The following PLCL2 variants were observed in gnomAD, a reference collection of about 807,000 sequenced individuals.
The protein encoded by PLCL2 is phospholipase C like 2.
In PLCL2, 4 loss-of-function variants were observed where a neutral mutation model predicts 79.6. That is an observed-to-expected ratio of 0.05 (90% CI 0.02 to 0.11). PLCL2 has a LOEUF of 0.11. PLCL2 is among the 10% of genes least tolerant of loss of function. PLCL2 has a pLI of 1.00. For synonymous variants in PLCL2, 484 were observed against 457.7 expected (o/e 1.06, Z -0.73); for missense variants, 895 against 1,291.0 (o/e 0.69, Z 4.70).
chr3:16,940,951 C>T (rs1697665634), intron 1 of PLCL2, among the ~76,000 whole-genome samples: 1 of 152,194 alleles, frequency 6.6e-6, no homozygotes, highest in Non-Finnish European at 1.5e-5. Context: ...CCTGCTGCTG[C>T]TTTTAATTTT....
intron 4 of PLCL2, among the ~76,000 whole-genome samples, chr3:17,048,501 T>C (rs1002694488): frequency 6.6e-6 from 1 of 152,212 alleles, no homozygotes; most frequent in Non-Finnish European, 1.5e-5. Flanking sequence ...AAATCTGTTA[T>C]AAAAGGTTAA....
At chr3:16,935,806 A>C (rs1205871752) in intron 1 of PLCL2, among the ~76,000 whole-genome samples, 1 of 152,232 alleles carries the variant, frequency 6.6e-6, no homozygotes, top group African/African-American at 2.4e-5. Context: ...AAAATAAAAA[A>C]AGAAAGAATG....
At chr3:17,029,520 A>G (rs1169277877) in intron 3 of PLCL2, among the ~76,000 whole-genome samples, 2 of 152,118 alleles carry the variant, frequency 1.3e-5, no homozygotes, top group Non-Finnish European at 2.9e-5. Flanking sequence ...ACAGTGTTTT[A>G]TGATTTTTTT....
chr3:16,981,122 C>T (rs565310915), intron 1 of PLCL2, among the ~76,000 whole-genome samples: 217 of 150,090 alleles, frequency 1.4e-3, no homozygotes, highest in Non-Finnish European at 2.1e-3. Flanking sequence ...AGAGGGAGAC[C>T]GTGGAAAGAG....
intron 1 of PLCL2, among the ~76,000 whole-genome samples, chr3:16,945,451 C>T (rs1404956120): frequency 2.0e-5 from 3 of 152,172 alleles, no homozygotes; most frequent in African/African-American, 7.2e-5. Context: ...GCACCTAGAA[C>T]ATTGCCTGGT....
intron 3 of PLCL2, among the ~76,000 whole-genome samples, chr3:17,030,351 CATT>C (rs2064567512): frequency 6.6e-6 from 1 of 152,140 alleles, no homozygotes; most frequent in Non-Finnish European, 1.5e-5. Flanking sequence ...TTATGATTGT[CATT>C]ATTAGTTTTC....
At chr3:17,057,692 C>T (rs2064905103) in intron 4 of PLCL2, among the ~76,000 whole-genome samples, 1 of 152,124 alleles carries the variant, frequency 6.6e-6, no homozygotes. Flanking sequence ...CTTGTAACAC[C>T]CCATATAATT....
At chr3:17,019,718 T>C (rs2064427654) in intron 3 of PLCL2, among the ~76,000 whole-genome samples, 4 of 152,188 alleles carry the variant, frequency 2.6e-5, no homozygotes, top group Admixed American at 2.6e-4. Flanking sequence ...AAAACTGTAA[T>C]CAGTAGATCA....
chr3:16,900,247 AAGTC>A (rs749581682), intron 1 of PLCL2, among the ~76,000 whole-genome samples: 3 of 152,196 alleles, frequency 2.0e-5, no homozygotes, highest in Non-Finnish European at 4.4e-5. Flanking sequence ...AGAATTTAAG[AAGTC>A]AGGGCAATAA....
Position 17,010,995 on chromosome 3 carries a change from T to C in PLCL2, c.1649T>C (p.Val550Ala), listed in dbSNP as rs758733988. The change falls in exon 2 of 6, where the codon GTT (valine) becomes GCT (alanine). Residue 550 changes from valine (V) to alanine (A), a missense_variant. Transcript: ENST00000615277. The surrounding 1 kb of genome is among the most constrained non-coding windows in gnomAD (Gnocchi z 5.8). Reference protein sequence around the residue: ...GDKLYTTSPNVEESYLPSPDV... With the variant: ...GDKLYTTSPNAEESYLPSPDV... The stretch of plus-strand genomic sequence containing the variant: ...AAGCTCTATACAACATCACCCAATG[T>C]TGAGGAATCTTATCTACCATCCCCA... The C allele has an allele frequency of 1.9e-6, 3 of 1,613,970 alleles. No homozygotes were observed. Among genetic ancestry groups the C allele is most frequent in the East Asian group, 4.5e-5 (2 of 44,830 alleles).
intron 1 of PLCL2, among the ~76,000 whole-genome samples, chr3:16,977,597 T>C (rs1308055776): frequency 1.3e-5 from 2 of 152,220 alleles, no homozygotes; most frequent in East Asian, 1.9e-4. Context: ...GTATTTCTTA[T>C]AGCCTCTATA....
At chr3:17,082,626 A>G (rs1372464194) in intron 5 of PLCL2, among the ~76,000 whole-genome samples, 1 of 152,160 alleles carries the variant, frequency 6.6e-6, no homozygotes, top group Non-Finnish European at 1.5e-5. Flanking sequence ...AGATACCATG[A>G]TTACTTCTCT....
At chr3:16,967,606 A>G (rs1383733922) in intron 1 of PLCL2, among the ~76,000 whole-genome samples, 1 of 151,780 alleles carries the variant, frequency 6.6e-6, no homozygotes, top group Non-Finnish European at 1.5e-5. Flanking sequence ...CTACTTTTTA[A>G]TGGGGTTTTT....
At chr3:16,967,001 C>T (rs1396659417) in intron 1 of PLCL2, among the ~76,000 whole-genome samples, 1 of 152,056 alleles carries the variant, frequency 6.6e-6, no homozygotes, top group Non-Finnish European at 1.5e-5. Flanking sequence ...TTAGCTCCCA[C>T]TTACAAGTGA....
At chr3:17,066,407 G>A (rs566866226) in intron 4 of PLCL2, among the ~76,000 whole-genome samples, 1 of 152,312 alleles carries the variant, frequency 6.6e-6, no homozygotes, top group African/African-American at 2.4e-5. Flanking sequence ...TTTATCATAT[G>A]TGTGTCAGCT....
intron 1 of PLCL2, among the ~76,000 whole-genome samples, chr3:16,916,154 C>T (rs989994548): frequency 1.3e-5 from 2 of 152,162 alleles, no homozygotes; most frequent in African/African-American, 4.8e-5. Flanking sequence ...GTACAGTTGA[C>T]TCAGTAAACC....
intron 1 of PLCL2, among the ~76,000 whole-genome samples, chr3:16,998,709 G>T (rs1348863844): frequency 1.3e-5 from 2 of 152,174 alleles, no homozygotes; most frequent in African/African-American, 4.8e-5. Flanking sequence ...AAACATTTTG[G>T]TAGTAGTGAA....
chr3:16,903,181 A>G (rs1473349163), intron 1 of PLCL2, among the ~76,000 whole-genome samples: 1 of 152,198 alleles, frequency 6.6e-6, no homozygotes, highest in Non-Finnish European at 1.5e-5. Flanking sequence ...TTCAACTGTG[A>G]TCATCTTTAG....
chr3:17,050,130 T>G (rs146325041), intron 4 of PLCL2, among the ~76,000 whole-genome samples: 2 of 152,316 alleles, frequency 1.3e-5, no homozygotes, highest in East Asian at 3.9e-4. Context: ...GATATCCATA[T>G]GCAGAAGAAT....
Sources: gnomAD v4.1 joint callset for allele counts (sites outside exome capture counted in the v4.1 genomes callset) on GRCh38, gnomAD v4.1.1 for gene constraint, Gnocchi (gnomAD v3.1) non-coding constraint, MANE v1.5 for transcripts, NCBI Gene and HGNC (gene_info 2026-07-23, HGNC 2026-07-21) for gene names.